LHFPL3: variants seen among roughly 807,000 people sequenced by gnomAD.
The protein encoded by LHFPL3 is LHFPL tetraspan subfamily member 3, also known as LHFPL tetraspan subfamily member 3 protein.
In LHFPL3, 5 loss-of-function variants were observed where a neutral mutation model predicts 19.3. The ratio of observed to expected loss-of-function variants is 0.26; its 90% CI spans 0.14 to 0.54. The LOEUF (loss-of-function observed/expected upper bound fraction) is 0.54. Among genes scored for constraint, LHFPL3 ranks in the 20% least tolerant of loss-of-function variants. The pLI is 0.94. For synonymous variants in LHFPL3, 133 were observed against 126.2 expected (o/e 1.05, Z -0.36); for missense variants, 249 against 307.4 (o/e 0.81, Z 1.42).
intron 1 of LHFPL3, among the ~76,000 whole-genome samples, chr7:104,610,251 G>GT (rs1228602670): frequency 3.3e-5 from 5 of 151,994 alleles, no homozygotes; most frequent in African/African-American, 9.6e-5. Context: ...GATTGAATTC[G>GT]TTTTTTTAAT....
intron 1 of LHFPL3, among the ~76,000 whole-genome samples, chr7:104,529,551 G>A (rs186796678): frequency 1.4e-4 from 21 of 152,260 alleles, no homozygotes; most frequent in Admixed American, 3.3e-4. Flanking sequence ...CGATGAGAAC[G>A]TATGTCAAAT....
intron 1 of LHFPL3, among the ~76,000 whole-genome samples, chr7:104,521,275 T>C (rs538014787): frequency 4.5e-4 from 68 of 152,328 alleles, no homozygotes; most frequent in African/African-American, 1.4e-3. Flanking sequence ...AGATTCTTAA[T>C]CCTGAGTTCT....
At chr7:104,566,719 C>G (rs1013812431) in intron 1 of LHFPL3, among the ~76,000 whole-genome samples, 1 of 152,130 alleles carries the variant, frequency 6.6e-6, no homozygotes. Flanking sequence ...AGAATTAATT[C>G]ATATTTTAAA....
chr7:104,772,823 T>C (rs970225112), intron 2 of LHFPL3, among the ~76,000 whole-genome samples: 2 of 152,174 alleles, frequency 1.3e-5, no homozygotes, highest in South Asian at 4.1e-4. Context: ...TGACTCAGGC[T>C]TCAATCCTTC....
intron 1 of LHFPL3, among the ~76,000 whole-genome samples, chr7:104,593,504 A>T (rs6950612): frequency 6.6e-6 from 1 of 151,970 alleles, no homozygotes; most frequent in Admixed American, 6.5e-5. Flanking sequence ...GCCGAGAAGA[A>T]TGTATACTCT....
chr7:104,688,546 C>T (rs1266375444), intron 1 of LHFPL3, among the ~76,000 whole-genome samples: 1 of 146,632 alleles, frequency 6.8e-6, no homozygotes, highest in Non-Finnish European at 1.5e-5. Flanking sequence ...GACTTTTTTG[C>T]CAGAGGAAAC....
At chr7:104,585,175 G>A (rs1027382477) in intron 1 of LHFPL3, among the ~76,000 whole-genome samples, 2 of 151,802 alleles carry the variant, frequency 1.3e-5, no homozygotes, top group Non-Finnish European at 2.9e-5. Flanking sequence ...CCTCTAGCCC[G>A]ACGCTGCATG....
rs1211969061 is a variant in LHFPL3, at chr7:104,756,086, C to A, written c.682+19175C>A. 2.0e-5 allele frequency among the ~76,000 whole-genome samples: 3 copies of A among 152,052 alleles called. No individual in the cohort carries two copies. In the East Asian group the frequency reaches 5.8e-4, roughly 29 times the overall value. On this transcript the variant is annotated intron_variant, in intron 2 of 2. Coordinates refer to ENST00000424859, the MANE Select transcript of LHFPL3 (RefSeq NM_199000.3). ...TGGGATGGGGAGTGGGGATGGAGATCTGTCCTTAAGGAAGTAGACAGCTGG... is the reference window on the plus strand; with the variant it reads ...TGGGATGGGGAGTGGGGATGGAGATATGTCCTTAAGGAAGTAGACAGCTGG...
At chr7:104,893,491 C>T (rs1792293282) in intron 2 of LHFPL3, among the ~76,000 whole-genome samples, 1 of 151,500 alleles carries the variant, frequency 6.6e-6, no homozygotes, top group Non-Finnish European at 1.5e-5. Flanking sequence ...CACTATACTC[C>T]AGCCTGGGTG....
chr7:104,506,423 G>A (rs553798967), intron 1 of LHFPL3, among the ~76,000 whole-genome samples: 1 of 152,094 alleles, frequency 6.6e-6, no homozygotes, highest in Non-Finnish European at 1.5e-5. Context: ...ACATTGCTGT[G>A]CATATCATGT....
intron 1 of LHFPL3, among the ~76,000 whole-genome samples, chr7:104,365,470 C>T (rs1191899569): frequency 4.0e-5 from 6 of 150,430 alleles, no homozygotes; most frequent in Non-Finnish European, 8.9e-5. Context: ...GTGAAGAGGG[C>T]GAGGTAGCAT....
chr7:104,402,631 T>C (rs1791336259), intron 1 of LHFPL3, among the ~76,000 whole-genome samples: 1 of 152,186 alleles, frequency 6.6e-6, no homozygotes, highest in South Asian at 2.1e-4. Flanking sequence ...AACCACAGAC[T>C]GAGGGAGAGG....
chr7:104,669,110 G>T, intron 1 of LHFPL3: 1 of 1,612,820 alleles, frequency 6.2e-7, no homozygotes, highest in Non-Finnish European at 8.5e-7. Context: ...GAGGAAGATT[G>T]CCACTCTCCA....
intron 1 of LHFPL3, among the ~76,000 whole-genome samples, chr7:104,334,831 A>T (rs990115288): frequency 1.3e-5 from 2 of 152,162 alleles, no homozygotes; most frequent in African/African-American, 2.4e-5. Flanking sequence ...TTTTCTCATT[A>T]AAAAAACCTC....
At chr7:104,781,101 G>A (rs953636762) in intron 2 of LHFPL3, among the ~76,000 whole-genome samples, 7 of 152,028 alleles carry the variant, frequency 4.6e-5, no homozygotes, top group Middle Eastern at 3.4e-3. Flanking sequence ...GAATATCAGA[G>A]GGAAAAAAAA....
chr7:104,556,515 A>AC (rs1395731552), intron 1 of LHFPL3, among the ~76,000 whole-genome samples: 12 of 152,182 alleles, frequency 7.9e-5, no homozygotes, highest in Non-Finnish European at 1.8e-4. Context: ...TGGCTGGGAT[A>AC]CGGTCAAGTC....
intron 1 of LHFPL3, among the ~76,000 whole-genome samples, chr7:104,545,906 C>G (rs1472261134): frequency 6.6e-6 from 1 of 152,212 alleles, no homozygotes; most frequent in East Asian, 1.9e-4. Flanking sequence ...GCATCTCTCT[C>G]TTCTGCAAGG....
chr7:104,702,374 T>C (rs1303587578), intron 1 of LHFPL3, among the ~76,000 whole-genome samples: 2 of 152,210 alleles, frequency 1.3e-5, no homozygotes, highest in East Asian at 3.8e-4. Context: ...TTTATCTTTC[T>C]GGTTCTTGCT....
At chr7:104,383,768 T>C (rs73403838) in intron 1 of LHFPL3, among the ~76,000 whole-genome samples, 5,908 of 152,242 alleles carry the variant, frequency 0.039, 381 homozygotes, top group African/African-American at 0.13. Context: ...AAGAAAGAAA[T>C]AGTGCTTTTT....
Sources: allele counts gnomAD v4.1 joint callset (sites outside exome capture counted in the v4.1 genomes callset), GRCh38; gene constraint gnomAD v4.1.1; transcripts MANE v1.5; gene names NCBI Gene and HGNC (gene_info 2026-07-23, HGNC 2026-07-21).